HSDL2: variants seen among roughly 807,000 people sequenced by gnomAD.
The protein encoded by HSDL2 is hydroxysteroid dehydrogenase like 2.
A neutral mutation model predicts 46.3 loss-of-function variants in HSDL2; 27 were observed. The ratio of observed to expected loss-of-function variants is 0.58; its 90% confidence interval spans 0.43 to 0.80. The LOEUF (loss-of-function observed/expected upper bound fraction) is 0.80, where lower values mean the gene tolerates loss of function less well. Ranked by LOEUF, HSDL2 falls within the 30% of genes least tolerant of loss-of-function variation. HSDL2 has a pLI of 0.00. For missense variants in HSDL2, 451 were observed against 502.7 expected (o/e 0.90, Z 0.98); for synonymous variants, 153 against 163.6 (o/e 0.94, Z 0.50).
chr9:112,416,729 G>C (rs534004522), intron 4 of HSDL2, 112 bp from the exon 5 acceptor site: 1 of 536,562 alleles, frequency 1.9e-6, no homozygotes, highest in Non-Finnish European at 3.4e-6. Context: ...AACTGTGATC[G>C]AGTCATGCAC....
intron 10 of HSDL2, among the ~76,000 whole-genome samples, chr9:112,460,398 C>T (rs1833168084): frequency 6.6e-6 from 1 of 152,164 alleles, no homozygotes. Context: ...TACTAATGAT[C>T]AGCATTTCTT....
chr9:112,446,740 A>G (rs1832767589), intron 8 of HSDL2, among the ~76,000 whole-genome samples: 2 of 152,184 alleles, frequency 1.3e-5, no homozygotes, highest in Admixed American at 6.5e-5. Flanking sequence ...TGGGGCATGT[A>G]CTTCCCAGGA....
intron 1 of HSDL2, among the ~76,000 whole-genome samples, chr9:112,383,363 G>A (rs1323869500): frequency 6.6e-6 from 1 of 152,050 alleles, no homozygotes; most frequent in Non-Finnish European, 1.5e-5. Context: ...GTGAGCCACC[G>A]TGCCTGGGCA....
intron 8 of HSDL2, among the ~76,000 whole-genome samples, chr9:112,444,889 T>A (rs1832722597): frequency 6.6e-6 from 1 of 151,232 alleles, no homozygotes; most frequent in African/African-American, 2.4e-5. Context: ...ATTTTTTATT[T>A]GGTTTAGAGA....
intron 1 of HSDL2, among the ~76,000 whole-genome samples, chr9:112,392,899 T>A (rs528667721): frequency 6.6e-6 from 1 of 152,250 alleles, no homozygotes; most frequent in Non-Finnish European, 1.5e-5. Context: ...ATTTGGGAAC[T>A]GATAAATGTC....
chr9:112,399,423 A>G (rs7019067), intron 1 of HSDL2, among the ~76,000 whole-genome samples: 44,469 of 152,116 alleles, frequency 0.29, 6,786 homozygotes, highest in Admixed American at 0.38. Flanking sequence ...ATCTATGTTC[A>G]GTGGTGCACG....
rs1459531216 is a variant in HSDL2 at position 112,470,537 on chromosome 9, G to A, written c.1250G>A (p.Arg417Lys). 2 of 1,569,056 alleles carry A rather than the reference G, an allele frequency of 1.3e-6. No homozygotes were observed. Among genetic ancestry groups the A allele is most frequent in the East Asian group, 2.3e-5 (1 of 44,290 alleles). Residue 417 changes from arginine to lysine, a missense_variant, in exon 11 of 11, where the codon AGA becomes AAA. Coordinates refer to ENST00000398805, the MANE Select transcript of HSDL2 (RefSeq NM_032303.5). ...AAGCTAATGAATCAGATGAATGCCAGACTGTGAAGGAAAATATAAAAAAAA... is the reference window on the plus strand; with the variant it reads ...AAGCTAATGAATCAGATGAATGCCAAACTGTGAAGGAAAATATAAAAAAAA... ...LEKLMNQMNA[R>K]L
intron 8 of HSDL2, among the ~76,000 whole-genome samples, chr9:112,442,153 C>T (rs776652795): frequency 2.0e-5 from 3 of 151,118 alleles, no homozygotes; most frequent in Non-Finnish European, 4.4e-5. Context: ...ACTGTAGTCC[C>T]AGCTACTCAG....
At chr9:112,424,074 A>C (rs1343162087) in intron 6 of HSDL2, among the ~76,000 whole-genome samples, 1 of 151,394 alleles carries the variant, frequency 6.6e-6, no homozygotes, top group Admixed American at 6.6e-5. Flanking sequence ...TAATCCCAGC[A>C]CTTTAGGAGG....
chr9:112,452,845 G>A (rs1390924426), intron 8 of HSDL2, among the ~76,000 whole-genome samples: 1 of 152,238 alleles, frequency 6.6e-6, no homozygotes, highest in Non-Finnish European at 1.5e-5. Flanking sequence ...CTGATCATAT[G>A]TTAAGTTGTT....
rs117280556 is a variant in HSDL2 at position 112,434,614 on chromosome 9, C to T, written c.599-3817C>T. Among the ~76,000 whole-genome samples the T allele has an allele frequency of 8.9e-3, 1,350 of 152,062 alleles. 8 individuals are homozygous for T. The highest frequency in any genetic ancestry group is 0.013 in the Non-Finnish European group (907 of 68,004). On this transcript the variant is annotated intron_variant, in intron 6 of 10. Coordinates refer to ENST00000398805, the MANE Select transcript of HSDL2 (RefSeq NM_032303.5). Reference sequence around the variant, plus strand: ...TTTAGTGGTCCCTAAGGTAATGGTGCGCTGTATAATCAGTGGTATCATTGG... The same window carrying T: ...TTTAGTGGTCCCTAAGGTAATGGTGTGCTGTATAATCAGTGGTATCATTGG...
chr9:112,390,100 AG>A (rs1221781359), intron 1 of HSDL2, among the ~76,000 whole-genome samples: 7 of 148,302 alleles, frequency 4.7e-5, no homozygotes, highest in Admixed American at 6.8e-5. Flanking sequence ...AAATAAATAA[AG>A]TAAAAAATAA....
At chr9:112,431,874 CTTTTT>C (rs57619792) in intron 6 of HSDL2, among the ~76,000 whole-genome samples, 2 of 100,068 alleles carry the variant, frequency 2.0e-5, no homozygotes, top group Admixed American at 2.1e-4. Flanking sequence ...GTATTTCTTT[CTTTTT>C]TTTTTTTTTT....
At chr9:112,381,148 A>G (rs990406744) in intron 1 of HSDL2, among the ~76,000 whole-genome samples, 2 of 149,330 alleles carry the variant, frequency 1.3e-5, no homozygotes, top group African/African-American at 5.0e-5. Context: ...AGCAGACTCT[A>G]TTCTTGGTCT....
chr9:112,418,335 C>A (rs183451148), intron 5 of HSDL2, among the ~76,000 whole-genome samples: 2 of 152,078 alleles, frequency 1.3e-5, no homozygotes, highest in Non-Finnish European at 2.9e-5. Context: ...GTAATCCCAG[C>A]ACTTTGGGAG....
intron 8 of HSDL2, among the ~76,000 whole-genome samples, chr9:112,449,627 G>A (rs1173836785): frequency 6.6e-6 from 1 of 151,998 alleles, no homozygotes; most frequent in African/African-American, 2.4e-5. Flanking sequence ...ACTTTGGGAG[G>A]CTGAGGCAGG....
chr9:112,439,585 A>C (rs1318408030), intron 7 of HSDL2, among the ~76,000 whole-genome samples: 4 of 152,192 alleles, frequency 2.6e-5, no homozygotes, highest in Non-Finnish European at 4.4e-5. Context: ...ATTTGCGCTA[A>C]AGTATATTTT....
At chr9:112,462,038 C>T (rs529390863) in intron 10 of HSDL2, among the ~76,000 whole-genome samples, 50 of 152,218 alleles carry the variant, frequency 3.3e-4, no homozygotes, top group Non-Finnish European at 5.9e-4. Context: ...TTCTTATGTC[C>T]TTTTATTCTT....
At chr9:112,440,989 C>T (rs564485716) in intron 7 of HSDL2, among the ~76,000 whole-genome samples, 2 of 152,132 alleles carry the variant, frequency 1.3e-5, no homozygotes, top group South Asian at 4.2e-4. Context: ...GCCTGGGTGA[C>T]AGAGCGAGAC....
Sources: allele counts gnomAD v4.1 joint callset (sites outside exome capture counted in the v4.1 genomes callset), GRCh38; gene constraint gnomAD v4.1.1; transcripts MANE v1.5; gene names NCBI Gene and HGNC (gene_info 2026-07-23, HGNC 2026-07-21).